Variants in SOX5 observed in about 807,000 individuals in gnomAD.
The protein encoded by SOX5 is transcription factor SOX-5.
Under a neutral mutation model 92.0 loss-of-function variants are expected in SOX5, and 9 were observed. That is an observed-to-expected ratio of 0.10 (90% CI 0.06 to 0.17). SOX5 has a LOEUF of 0.17. Among genes scored for constraint, SOX5 ranks in the 10% least tolerant of loss-of-function variants. The probability of loss-of-function intolerance (pLI) is 1.00; values close to 1 mark genes in which losing one functional copy is unlikely to be tolerated. For synonymous variants in SOX5, 344 were observed against 336.3 expected (o/e 1.02, Z -0.25); for missense variants, 642 against 944.5 (o/e 0.68, Z 4.20).
intron 9 of SOX5, among the ~76,000 whole-genome samples, chr12:23,580,006 GCCTAGTAGCT>G (rs1949816743): frequency 1.3e-5 from 2 of 151,958 alleles, no homozygotes; most frequent in South Asian, 4.1e-4. Flanking sequence ...TTAGTTATCT[GCCTAGTAGCT>G]CCAAACTTGT....
chr12:23,667,829 C>G (rs575664836), intron 6 of SOX5, among the ~76,000 whole-genome samples: 1 of 152,116 alleles, frequency 6.6e-6, no homozygotes, highest in African/African-American at 2.4e-5. Context: ...AAAAAGAATA[C>G]AGTAAACAGT....
intron 8 of SOX5, among the ~76,000 whole-genome samples, chr12:23,639,916 T>C (rs1477915119): frequency 6.6e-6 from 1 of 152,220 alleles, no homozygotes; most frequent in Non-Finnish European, 1.5e-5. Context: ...AAAAATTAAT[T>C]ATTAAGTATA....
intron 1 of SOX5, among the ~76,000 whole-genome samples, chr12:24,420,522 C>T (rs1164787464): frequency 6.6e-6 from 1 of 152,134 alleles, no homozygotes; most frequent in Non-Finnish European, 1.5e-5. Flanking sequence ...AAAGGAATTA[C>T]TTGGTTACTT....
rs563616678 is a variant in SOX5 at position 23,902,582 on chromosome 12, A to G, written c.39-6558T>C. Among the ~76,000 whole-genome samples, 5 of 132,074 alleles carry G rather than the reference A, an allele frequency of 3.8e-5. No homozygotes were observed. The East Asian group carries it at 9.8e-4, about 26-fold the overall frequency. 86.6% of individuals were successfully genotyped at this position (132,074 alleles called of 152,430 possible). On this transcript the variant is annotated intron_variant, in intron 1 of 14. Transcript: ENST00000451604. Reference sequence around the variant, plus strand: ...TTTCAGTTGCATGCATAAAAAAATTAAACATTTTTTATTAGTATATACAGT... The same window carrying G: ...TTTCAGTTGCATGCATAAAAAAATTGAACATTTTTTATTAGTATATACAGT...
At chr12:24,101,197 A>T (rs1444530149) in intron 4 of SOX5, among the ~76,000 whole-genome samples, 1 of 152,032 alleles carries the variant, frequency 6.6e-6, no homozygotes, top group Admixed American at 6.6e-5. Flanking sequence ...TCCTGCCTCC[A>T]TCTCCAATTT....
chr12:23,582,947 T>C (rs892863329), intron 9 of SOX5, among the ~76,000 whole-genome samples: 9 of 152,062 alleles, frequency 5.9e-5, no homozygotes, highest in African/African-American at 2.2e-4. Context: ...CTGCTCATTT[T>C]CCCTTAGTAT....
At chr12:23,995,243 G>A (rs77693409) in intron 4 of SOX5, among the ~76,000 whole-genome samples, 3,026 of 152,242 alleles carry the variant, frequency 0.02, 37 homozygotes, top group East Asian at 0.036. Context: ...AAATATATAC[G>A]TCTGACATTT....
intron 4 of SOX5, among the ~76,000 whole-genome samples, chr12:23,980,798 C>T (rs997931429): frequency 1.3e-5 from 2 of 152,268 alleles, no homozygotes; most frequent in South Asian, 2.1e-4. Flanking sequence ...TGAGTACCCA[C>T]AGCAGCAAGC....
At chr12:23,997,373 G>T (rs1951131089) in intron 4 of SOX5, among the ~76,000 whole-genome samples, 1 of 152,162 alleles carries the variant, frequency 6.6e-6, no homozygotes, top group African/African-American at 2.4e-5. Flanking sequence ...TAGCGATCTT[G>T]GATGGCCAAC....
At chr12:23,713,951 G>T (rs2092287916) in intron 6 of SOX5, among the ~76,000 whole-genome samples, 1 of 151,012 alleles carries the variant, frequency 6.6e-6, no homozygotes, top group South Asian at 2.1e-4. Flanking sequence ...AATTAGTTGG[G>T]TGTGGCGGTG....
chr12:24,548,320 T>C (rs914882907), intron 1 of SOX5, among the ~76,000 whole-genome samples: 4 of 152,222 alleles, frequency 2.6e-5, no homozygotes, highest in Non-Finnish European at 5.9e-5. Context: ...GTTACAGATA[T>C]AAGTGTCATA....
At position 23,563,521 on chromosome 12, in the gene SOX5, C is replaced by A. The variant is rs552940944; in HGVS notation, c.1343-118G>T. On this transcript the variant is annotated intron_variant, in intron 10 of 14. Transcript: ENST00000451604. ...AGTGTCTGGCCTATAATGATTTCTC[C>A]ATGGAATTTATCTAAAATGAATGAA... is the stretch of plus-strand genomic sequence containing the variant. The A allele has an allele frequency of 3.9e-6, 3 of 768,602 alleles. No individual in the cohort carries two copies. The East Asian group carries it at 8.0e-5, about 21-fold the overall frequency. 47.6% of individuals were successfully genotyped at this position (768,602 alleles called of 1,614,324 possible). A position where few individuals can be genotyped will look rare whatever the true frequency, so the allele number is the denominator to read the frequency against.
intron 3 of SOX5, among the ~76,000 whole-genome samples, chr12:23,802,332 G>C (rs1289822732): frequency 2.0e-5 from 3 of 151,926 alleles, no homozygotes; most frequent in Non-Finnish European, 4.4e-5. Context: ...AGCCCGTCTC[G>C]GCCTCCCAGA....
At position 23,906,930 on chromosome 12, in the gene SOX5, G is replaced by A. The variant is rs190137829; in HGVS notation, c.39-10906C>T. Among the ~76,000 whole-genome samples, 72 of 140,600 alleles carry A rather than the reference G, an allele frequency of 5.1e-4. No individual in the cohort carries two copies. In the East Asian group the frequency reaches 0.015, roughly 30 times the overall value. 92.2% of individuals were successfully genotyped at this position (140,600 alleles called of 152,430 possible). ...TATAAATTTTAGGTTATAGACAGCC[G>A]AATAGACAGCCAAAAAAAAAAAAAT... On this transcript the variant is annotated intron_variant, in intron 1 of 14. Coordinates refer to ENST00000451604, the MANE Select transcript of SOX5 (RefSeq NM_006940.6).
chr12:24,359,266 G>A (rs1257383619), intron 2 of SOX5, among the ~76,000 whole-genome samples: 1 of 152,180 alleles, frequency 6.6e-6, no homozygotes, highest in African/African-American at 2.4e-5. Flanking sequence ...GAAGTCTTAA[G>A]CGATCTGATT....
At chr12:23,561,894 CAAAT>C (rs1046911858) in intron 11 of SOX5, among the ~76,000 whole-genome samples, 10 of 151,158 alleles carry the variant, frequency 6.6e-5, no homozygotes, top group Non-Finnish European at 1.0e-4. Flanking sequence ...ATGCGCTTAA[CAAAT>C]AACGGCAATT....
In SOX5 at chr12:24,122,757, T is replaced by C. The variant is rs972755037; in HGVS notation, c.-2+90586A>G. Among the ~76,000 whole-genome samples the C allele has an allele frequency of 1.7e-4, 26 of 152,224 alleles. 1 individual carries two copies. Among genetic ancestry groups the C allele is most frequent in the Non-Finnish European group, 2.4e-4 (16 of 68,028 alleles). On this transcript the variant is annotated intron_variant, in intron 4 of 4. Transcript: ENST00000446891. ...CTATTGTGTCTTTGTTTTGTTTCCA[T>C]TTCTTTCCTGAAAAATATGAAAACA...
At chr12:23,595,020 C>T (rs996701733) in intron 9 of SOX5, among the ~76,000 whole-genome samples, 1 of 152,158 alleles carries the variant, frequency 6.6e-6, no homozygotes, top group Non-Finnish European at 1.5e-5. Context: ...ACTTAGCATG[C>T]ACAAAATTAC....
intron 2 of SOX5, among the ~76,000 whole-genome samples, chr12:24,335,811 A>AT (rs1252741395): frequency 6.6e-5 from 10 of 151,786 alleles, no homozygotes; most frequent in Non-Finnish European, 1.2e-4. Flanking sequence ...TTAAGCTCAC[A>AT]TAAAAAAAAG....
Sources: allele counts gnomAD v4.1 joint callset (sites outside exome capture counted in the v4.1 genomes callset), GRCh38; gene constraint gnomAD v4.1.1; transcripts MANE v1.5; gene names NCBI Gene and HGNC (gene_info 2026-07-23, HGNC 2026-07-21).